The following ATRNL1 variants were observed in gnomAD, a reference collection of about 807,000 sequenced individuals.
ATRNL1 encodes the protein attractin like 1, also known as attractin-like protein 1.
ATRNL1 carries 95 observed loss-of-function variants against 182.7 expected under a neutral mutation model. That is an observed-to-expected ratio of 0.52 (90% confidence interval 0.44 to 0.62). ATRNL1 has a LOEUF of 0.62. Among genes scored for constraint, ATRNL1 ranks in the 20% least tolerant of loss-of-function variants. The pLI is 0.00. For missense variants in ATRNL1, 1,471 were observed against 1,679.5 expected (o/e 0.88, Z 2.17); for synonymous variants, 576 against 568.3 (o/e 1.01, Z -0.19).
intron 13 of ATRNL1, among the ~76,000 whole-genome samples, chr10:115,276,393 A>G (rs1020186293): frequency 6.6e-5 from 10 of 152,214 alleles, no homozygotes; most frequent in South Asian, 4.1e-4. Context: ...TAAAAATTGT[A>G]TTATGTAAAT....
At chr10:115,467,518 A>G (rs1380065124) in intron 23 of ATRNL1, among the ~76,000 whole-genome samples, 3 of 150,824 alleles carry the variant, frequency 2.0e-5, no homozygotes, top group Non-Finnish European at 4.5e-5. Flanking sequence ...ATAAAATGTG[A>G]TTTTAATTAA....
intron 19 of ATRNL1, among the ~76,000 whole-genome samples, chr10:115,378,872 A>G (rs1592559075): frequency 6.6e-6 from 1 of 152,252 alleles, no homozygotes; most frequent in Non-Finnish European, 1.5e-5. Context: ...AATTAAATTT[A>G]CATGATATCC....
chr10:115,473,918 T>A (rs1848417888), intron 24 of ATRNL1, among the ~76,000 whole-genome samples: 1 of 151,390 alleles, frequency 6.6e-6, no homozygotes. Context: ...AGTTGTAATG[T>A]CTCCTTATAC....
chr10:115,913,914 G>T (rs895159734), intron 28 of ATRNL1, among the ~76,000 whole-genome samples: 5 of 152,142 alleles, frequency 3.3e-5, no homozygotes, highest in African/African-American at 1.2e-4. Flanking sequence ...TGAAGATATT[G>T]GGAGGGGTGG....
intron 19 of ATRNL1, among the ~76,000 whole-genome samples, chr10:115,348,302 C>A (rs1554940344): frequency 6.6e-6 from 1 of 152,098 alleles, no homozygotes; most frequent in Non-Finnish European, 1.5e-5. Flanking sequence ...TTAGTTTTCT[C>A]ATCTGCAAAA....
chr10:115,341,856 T>C (rs1855767933), intron 19 of ATRNL1, among the ~76,000 whole-genome samples: 1 of 152,156 alleles, frequency 6.6e-6, no homozygotes. Context: ...TTGGTTTCCA[T>C]TTGCATGGAA....
intron 10 of ATRNL1, among the ~76,000 whole-genome samples, chr10:115,255,129 G>A (rs1346580038): frequency 6.6e-5 from 10 of 152,112 alleles, no homozygotes; most frequent in Admixed American, 6.5e-4. Flanking sequence ...CTCTTTTTTG[G>A]TTCCATATGA....
intron 24 of ATRNL1, among the ~76,000 whole-genome samples, chr10:115,472,714 G>C (rs1255831386): frequency 3.3e-5 from 5 of 151,000 alleles, no homozygotes; most frequent in Admixed American, 2.0e-4. Context: ...ACTTGACTGA[G>C]TTTTTTATTC....
chr10:115,826,101 C>T (rs190829832), intron 27 of ATRNL1, among the ~76,000 whole-genome samples: 54 of 152,274 alleles, frequency 3.5e-4, no homozygotes, highest in African/African-American at 1.3e-3. Flanking sequence ...TAAAAACTAC[C>T]TCCTTGGAGA....
At position 115,459,679 on chromosome 10, in the gene ATRNL1, C is replaced by T. The variant is rs556624809; in HGVS notation, c.3323-2262C>T. Among the ~76,000 whole-genome samples the T allele has an allele frequency of 2.6e-5, 4 of 152,234 alleles. No individual in the cohort carries two copies. The South Asian group carries it at 8.3e-4, about 32-fold the overall frequency. Reference sequence around the variant, plus strand: ...GGTCCTGTGGTCCTGTGATCTCGCCCTGCCTCCACTTGCCTTGTGATATTC... The same window carrying T: ...GGTCCTGTGGTCCTGTGATCTCGCCTTGCCTCCACTTGCCTTGTGATATTC... On this transcript the variant is annotated intron_variant, in intron 21 of 28. Transcript: ENST00000355044.
At position 115,860,531 on chromosome 10, in the gene ATRNL1, A is replaced by T. The variant is rs559434221; in HGVS notation, c.4018+12540A>T. 4.3e-4 allele frequency among the ~76,000 whole-genome samples: 62 copies of T among 142,974 alleles called. 1 individual carries two copies. In the South Asian group the frequency reaches 0.012, roughly 27 times the overall value. The allele number at this position is 142,974 out of a possible 152,430, so 93.8% of individuals were successfully genotyped here. On this transcript the variant is annotated intron_variant, in intron 28 of 28. Coordinates refer to ENST00000355044, the MANE Select transcript of ATRNL1 (RefSeq NM_207303.4). ...TAATAGATACATAAAATAGATACAT[A>T]AAAAAAAATGTATAAATGGGATAAT...
At chr10:115,356,577 G>A (rs1263891318) in intron 19 of ATRNL1, among the ~76,000 whole-genome samples, 1 of 151,962 alleles carries the variant, frequency 6.6e-6, no homozygotes, top group African/African-American at 2.4e-5. Context: ...ACTGGAATAT[G>A]CAGTTTATTA....
At chr10:115,141,186 A>G (rs1374543493) in intron 5 of ATRNL1, among the ~76,000 whole-genome samples, 2 of 152,016 alleles carry the variant, frequency 1.3e-5, no homozygotes, top group Non-Finnish European at 2.9e-5. Flanking sequence ...AGCCACTTGC[A>G]TTTGTTGTTG....
intron 27 of ATRNL1, among the ~76,000 whole-genome samples, chr10:115,767,040 A>G (rs541808779): frequency 1.1e-3 from 169 of 152,266 alleles, no homozygotes; most frequent in African/African-American, 3.9e-3. Flanking sequence ...CACAATTGCA[A>G]GGGTTTATGA....
intron 27 of ATRNL1, among the ~76,000 whole-genome samples, chr10:115,762,535 T>C (rs1055234725): frequency 4.6e-5 from 7 of 152,196 alleles, no homozygotes; most frequent in Non-Finnish European, 7.3e-5. Context: ...TCAGTACTTA[T>C]GAATTATTTT....
intron 19 of ATRNL1, among the ~76,000 whole-genome samples, chr10:115,392,212 A>C (rs1331494364): frequency 1.3e-5 from 2 of 152,216 alleles, no homozygotes; most frequent in African/African-American, 4.8e-5. Flanking sequence ...TCACAAAATA[A>C]TAAGCAGTAC....
chr10:115,759,549 A>G (rs559385692), intron 27 of ATRNL1, among the ~76,000 whole-genome samples: 1 of 147,390 alleles, frequency 6.8e-6, no homozygotes, highest in East Asian at 2.1e-4. Flanking sequence ...AATTAGTGAG[A>G]TGTGTTAAAC....
intron 21 of ATRNL1, among the ~76,000 whole-genome samples, chr10:115,437,214 A>G (rs910532055): frequency 1.3e-5 from 2 of 152,114 alleles, no homozygotes; most frequent in Admixed American, 6.6e-5. Flanking sequence ...TGAAACACAT[A>G]GAATATACAG....
chr10:115,424,252 T>C (rs2134387471), intron 20 of ATRNL1, among the ~76,000 whole-genome samples: 1 of 152,286 alleles, frequency 6.6e-6, no homozygotes, highest in Admixed American at 6.5e-5. Flanking sequence ...CTAGTTAGAA[T>C]GGCTGTTATG....
Sources: allele counts gnomAD v4.1 joint callset (sites outside exome capture counted in the v4.1 genomes callset), GRCh38; gene constraint gnomAD v4.1.1; transcripts MANE v1.5; gene names NCBI Gene and HGNC (gene_info 2026-07-23, HGNC 2026-07-21).